GPM6A: variants seen among roughly 807,000 people sequenced by gnomAD.
The protein encoded by GPM6A is neuronal membrane glycoprotein M6-a.
In GPM6A, 7 loss-of-function variants were observed where a neutral mutation model predicts 32.1. The observed-to-expected ratio is 0.22, with a 90% CI of 0.12 to 0.41. The LOEUF (loss-of-function observed/expected upper bound fraction) is 0.41, where lower values mean the gene tolerates loss of function less well. Among genes scored for constraint, GPM6A ranks in the 10% least tolerant of loss-of-function variants. The pLI, the probability that GPM6A is intolerant of heterozygous loss-of-function variation, is 1.00. For synonymous variants in GPM6A, 130 were observed against 123.4 expected (o/e 1.05, Z -0.35); for missense variants, 235 against 347.2 (o/e 0.68, Z 2.57).
At chr4:175,649,094 G>A (rs1012137380) in intron 4 of GPM6A, among the ~76,000 whole-genome samples, 46 of 152,222 alleles carry the variant, frequency 3.0e-4, no homozygotes, top group Middle Eastern at 3.4e-3. Flanking sequence ...TAAGATTCAG[G>A]ACACTCCCCT....
At chr4:175,920,538 C>T (rs1258473481) in intron 1 of GPM6A, among the ~76,000 whole-genome samples, 7 of 152,256 alleles carry the variant, frequency 4.6e-5, no homozygotes, top group African/African-American at 7.2e-5. Context: ...AGAAACAATA[C>T]TTAAACTACT....
chr4:175,976,282 C>A (rs1740657612), intron 1 of GPM6A, among the ~76,000 whole-genome samples: 1 of 151,570 alleles, frequency 6.6e-6, no homozygotes, highest in South Asian at 2.1e-4. Flanking sequence ...CCTGTCTCAG[C>A]CTCCCAAGTA....
intron 1 of GPM6A, among the ~76,000 whole-genome samples, chr4:175,969,332 A>C (rs939704935): frequency 2.0e-5 from 3 of 152,198 alleles, no homozygotes; most frequent in Admixed American, 1.3e-4. Flanking sequence ...CTAATAGTAG[A>C]TAGGTATCAT....
At chr4:175,638,191 A>C (rs1740927511) in intron 6 of GPM6A, among the ~76,000 whole-genome samples, 1 of 151,404 alleles carries the variant, frequency 6.6e-6, no homozygotes, top group East Asian at 1.9e-4. Context: ...TACTATTCTC[A>C]ATTTTTAATA....
intron 1 of GPM6A, among the ~76,000 whole-genome samples, chr4:175,877,654 G>A (rs1737127659): frequency 6.6e-6 from 1 of 152,144 alleles, no homozygotes. Context: ...TCTCCACCTG[G>A]TCCCACCCTT....
At chr4:175,903,900 G>C (rs1194094785) in intron 1 of GPM6A, among the ~76,000 whole-genome samples, 1 of 152,060 alleles carries the variant, frequency 6.6e-6, no homozygotes, top group Non-Finnish European at 1.5e-5. Flanking sequence ...GTGATATATA[G>C]TATCAATATC....
At chr4:175,733,291 C>T (rs1269335412) in intron 1 of GPM6A, among the ~76,000 whole-genome samples, 1 of 152,108 alleles carries the variant, frequency 6.6e-6, no homozygotes, top group Non-Finnish European at 1.5e-5. Context: ...ATCATGAGGT[C>T]AAGAGATGGA....
At position 175,941,907 on chromosome 4, in the gene GPM6A, T is replaced by G. The variant is rs1399425679; in HGVS notation, c.-23+60402A>C. 2.0e-5 allele frequency among the ~76,000 whole-genome samples: 3 copies of G among 152,176 alleles called. No individual in the cohort carries two copies. In the East Asian group the frequency reaches 5.8e-4, roughly 29 times the overall value. On this transcript the variant is annotated intron_variant, in intron 1 of 7. Transcript: ENST00000280187. ...TTGGGTATATACCCAGTAATGGGAT[T>G]TCTGGGTCAAAGGTATTTCTGGTTC...
chr4:175,750,336 G>A (rs1732281364), intron 1 of GPM6A, among the ~76,000 whole-genome samples: 1 of 152,126 alleles, frequency 6.6e-6, no homozygotes, highest in Non-Finnish European at 1.5e-5. Flanking sequence ...GGGATTACAG[G>A]TGTGAGCCAC....
At chr4:175,844,048 T>C (rs1233643327) in intron 1 of GPM6A, among the ~76,000 whole-genome samples, 1 of 152,178 alleles carries the variant, frequency 6.6e-6, no homozygotes, top group East Asian at 1.9e-4. Flanking sequence ...TGTCTCTTCT[T>C]GGTAATTTCT....
chr4:175,975,481 T>C (rs1057043151), intron 1 of GPM6A, among the ~76,000 whole-genome samples: 2 of 152,226 alleles, frequency 1.3e-5, no homozygotes, highest in African/African-American at 4.8e-5. Flanking sequence ...ACAGTTTATC[T>C]GGAACATAGT....
intron 1 of GPM6A, among the ~76,000 whole-genome samples, chr4:175,716,460 T>C (rs1331376518): frequency 6.8e-6 from 1 of 146,878 alleles, no homozygotes; most frequent in African/African-American, 2.6e-5. Flanking sequence ...TGTATTATAC[T>C]ATAATCTTAA....
In GPM6A at chr4:175,732,921, A is replaced by C. The variant is rs564988767; in HGVS notation, c.38-31154T>G. On this transcript the variant is annotated intron_variant, in intron 1 of 6. Transcript: ENST00000393658. Reference sequence around the variant, plus strand: ...TTAACTGTATTTCATAATCTGAGGAAACTGAGACATAGAATATTAATTTAT... The same window carrying C: ...TTAACTGTATTTCATAATCTGAGGACACTGAGACATAGAATATTAATTTAT... Among the ~76,000 whole-genome samples, 22 of 152,326 alleles carry C rather than the reference A, an allele frequency of 1.4e-4. No homozygotes were observed. The East Asian group carries it at 3.9e-3, about 27-fold the overall frequency.
intron 3 of GPM6A, among the ~76,000 whole-genome samples, 189 bp downstream of exon 3, chr4:175,673,491 T>C (rs1743193934): frequency 6.6e-6 from 1 of 152,158 alleles, no homozygotes; most frequent in South Asian, 2.1e-4. Flanking sequence ...TCTGAGTATT[T>C]GAAACTGAAT....
At chr4:175,940,111 G>C (rs1739358598) in intron 1 of GPM6A, among the ~76,000 whole-genome samples, 1 of 152,092 alleles carries the variant, frequency 6.6e-6, no homozygotes, top group African/African-American at 2.4e-5. Flanking sequence ...AAAAATGCCT[G>C]GTAGACTAGC....
chr4:175,829,402 A>G (rs1735536476), intron 1 of GPM6A, among the ~76,000 whole-genome samples: 1 of 152,082 alleles, frequency 6.6e-6, no homozygotes, highest in Non-Finnish European at 1.5e-5. Flanking sequence ...CTCTATTTTA[A>G]TACCAACAAT....
At chr4:175,932,732 A>G (rs941564182) in intron 1 of GPM6A, among the ~76,000 whole-genome samples, 2 of 152,190 alleles carry the variant, frequency 1.3e-5, no homozygotes, top group Non-Finnish European at 2.9e-5. Flanking sequence ...TGGTTCTTAT[A>G]TCATACATGA....
intron 1 of GPM6A, among the ~76,000 whole-genome samples, chr4:175,985,871 T>C (rs902735356): frequency 5.3e-5 from 8 of 152,134 alleles, no homozygotes; most frequent in Non-Finnish European, 1.2e-4. Flanking sequence ...AGTGGTGCAA[T>C]CTCGGCTCAC....
At chr4:175,755,285 AC>A (rs1250237292) in intron 1 of GPM6A, among the ~76,000 whole-genome samples, 1 of 152,094 alleles carries the variant, frequency 6.6e-6, no homozygotes, top group Admixed American at 6.6e-5. Flanking sequence ...AAAAAAATAA[AC>A]AAATATGGTA....
Sources: gnomAD v4.1 joint callset for allele counts (sites outside exome capture counted in the v4.1 genomes callset) on GRCh38, gnomAD v4.1.1 for gene constraint, MANE v1.5 for transcripts, NCBI Gene and HGNC (gene_info 2026-07-23, HGNC 2026-07-21) for gene names.